The following ARB2A variants were observed in gnomAD, a reference collection of about 807,000 sequenced individuals.
ARB2A encodes the protein cotranscriptional regulator ARB2A.
chr5:93,916,554 A>T, the ARB2A span, among the ~76,000 whole-genome samples: 1 of 152,142 alleles, frequency 6.6e-6, no homozygotes, highest in Non-Finnish European at 1.5e-5. Context: ...GCAAAAGTAG[A>T]AATACATATT....
At chr5:93,961,791 T>C in the ARB2A span, among the ~76,000 whole-genome samples, 1 of 152,178 alleles carries the variant, frequency 6.6e-6, no homozygotes, top group Non-Finnish European at 1.5e-5. Flanking sequence ...AAAGTTTTAC[T>C]TGAATACTGA....
the ARB2A span, among the ~76,000 whole-genome samples, chr5:93,818,182 A>G: frequency 2.6e-5 from 4 of 152,100 alleles, no homozygotes; most frequent in African/African-American, 9.6e-5. Flanking sequence ...ATAAAAAAAG[A>G]CAGATAATAA....
the ARB2A span, among the ~76,000 whole-genome samples, chr5:93,690,206 C>A: frequency 1.3e-5 from 2 of 152,134 alleles, no homozygotes; most frequent in African/African-American, 4.8e-5. Context: ...GAGACAAAAC[C>A]GTTCAATCCC....
chr5:94,076,105 C>T, the ARB2A span, among the ~76,000 whole-genome samples: 1 of 152,104 alleles, frequency 6.6e-6, no homozygotes, highest in South Asian at 2.1e-4. Context: ...GTAAACAAAT[C>T]ACGGCTTCAT....
the ARB2A span, among the ~76,000 whole-genome samples, chr5:93,662,548 C>T: frequency 6.6e-6 from 1 of 152,276 alleles, no homozygotes; most frequent in South Asian, 2.1e-4. Flanking sequence ...ATACCATACA[C>T]ATATACATAA....
chr5:93,946,876 T>C, the ARB2A span, among the ~76,000 whole-genome samples: 1 of 152,224 alleles, frequency 6.6e-6, no homozygotes, highest in Non-Finnish European at 1.5e-5. Context: ...TTTATGCTTT[T>C]ACTCTCAAAA....
chr5:93,947,697 C>G, the ARB2A span, among the ~76,000 whole-genome samples: 1 of 120,426 alleles, frequency 8.3e-6, no homozygotes, highest in Non-Finnish European at 1.6e-5. Context: ...CCCCAGAGTG[C>G]GATGTTCCCC....
chr5:93,628,665 T>G, the ARB2A span, among the ~76,000 whole-genome samples: 3 of 152,246 alleles, frequency 2.0e-5, no homozygotes, highest in East Asian at 5.8e-4. Context: ...TGCGCTTTTA[T>G]GTTCTGGAGA....
chr5:94,050,594 G>C, the ARB2A span: 1 of 626,260 alleles, frequency 1.6e-6, no homozygotes, highest in Non-Finnish European at 2.6e-6. Flanking sequence ...CACTAAAAAG[G>C]AACAAAAAAA....
the ARB2A span, among the ~76,000 whole-genome samples, chr5:93,744,809 A>C: frequency 1.3e-5 from 2 of 152,254 alleles, no homozygotes; most frequent in Admixed American, 6.5e-5. Flanking sequence ...ACCTTCAACA[A>C]AAATCACTCT....
At chr5:94,076,610 G>A in the ARB2A span, among the ~76,000 whole-genome samples, 1 of 152,162 alleles carries the variant, frequency 6.6e-6, no homozygotes, top group Non-Finnish European at 1.5e-5. Flanking sequence ...ATCTGCAAGG[G>A]ATATATATTT....
At chr5:94,075,286 A>G in the ARB2A span, among the ~76,000 whole-genome samples, 1 of 152,062 alleles carries the variant, frequency 6.6e-6, no homozygotes, top group Non-Finnish European at 1.5e-5. Context: ...TTAAAAATAC[A>G]ACTTTCAGGG....
chr5:93,682,422 T>C, the ARB2A span, among the ~76,000 whole-genome samples: 2 of 152,006 alleles, frequency 1.3e-5, no homozygotes, highest in Non-Finnish European at 2.9e-5. Flanking sequence ...AGTTTTTAGA[T>C]ATAAAATTTC....
the ARB2A span, among the ~76,000 whole-genome samples, chr5:94,084,063 C>T: frequency 1.5e-4 from 22 of 151,616 alleles, no homozygotes; most frequent in African/African-American, 4.8e-4. Context: ...CACCTGAGGT[C>T]GGGAGTTCAA....
chr5:94,004,998 C>CAAAAAAAAAAAAAA, the ARB2A span, among the ~76,000 whole-genome samples: 82 of 12,530 alleles, frequency 6.5e-3, 10 homozygotes, highest in South Asian at 0.014. Flanking sequence ...ATTTTATCAG[C>CAAAAAAAAAAAAAA]AAAAAAAAAA....
the ARB2A span, among the ~76,000 whole-genome samples, chr5:94,044,438 G>A: frequency 9.2e-5 from 14 of 151,990 alleles, no homozygotes; most frequent in Admixed American, 3.9e-4. Flanking sequence ...CCTCTCTACC[G>A]CACATACAGA....
At chr5:93,769,240 C>G in the ARB2A span, among the ~76,000 whole-genome samples, 5 of 151,980 alleles carry the variant, frequency 3.3e-5, 1 homozygote, top group African/African-American at 1.2e-4. Flanking sequence ...CACATTATAA[C>G]AAGAAAAACA....
the ARB2A span, among the ~76,000 whole-genome samples, chr5:93,802,169 T>A: frequency 1.8e-4 from 28 of 152,192 alleles, 1 homozygote; most frequent in East Asian, 5.2e-3. Flanking sequence ...ATATTTTCTC[T>A]GATAAATCTT....
chr5:93,723,336 G>A, the ARB2A span, among the ~76,000 whole-genome samples: 1 of 152,092 alleles, frequency 6.6e-6, no homozygotes, highest in South Asian at 2.1e-4. Flanking sequence ...ACTAATTACA[G>A]CTTAACTGGT....
Sources: gnomAD v4.1 joint callset for allele counts (sites outside exome capture counted in the v4.1 genomes callset) on GRCh38, gnomAD v4.1.1 for gene constraint, MANE v1.5 for transcripts, NCBI Gene and HGNC (gene_info 2026-07-23, HGNC 2026-07-21) for gene names.